POTEF: variants seen among roughly 807,000 people sequenced by gnomAD.
The protein encoded by POTEF is POTE ankyrin domain family member F, also known as ANKRD26-like family C member 1B.
A neutral mutation model predicts 83.2 loss-of-function variants in POTEF; 20 were observed. That is an observed-to-expected ratio of 0.24 (90% CI 0.17 to 0.35). The LOEUF is 0.35. Ranked by LOEUF, POTEF falls within the 10% of genes least tolerant of loss-of-function variation. The pLI is 1.00. For missense variants in POTEF, 550 were observed against 1,203.2 expected, an observed-to-expected ratio of 0.46 and a Z score of 8.03; for synonymous variants, 196 against 446.4, an observed-to-expected ratio of 0.44 and a Z score of 7.07.
At chr2:130,104,181 C>T (rs1383362255) in intron 8 of POTEF, among the ~76,000 whole-genome samples, 1 of 150,004 alleles carries the variant, frequency 6.7e-6, no homozygotes, top group South Asian at 2.1e-4. Flanking sequence ...AAAGTCAATT[C>T]TATAAGAAGT....
In POTEF at chr2:130,114,682, A is replaced by T. The variant is rs187996060; in HGVS notation, c.810+199T>A. 6.9e-3 allele frequency among the ~76,000 whole-genome samples: 1,037 copies of T among 149,736 alleles called. 20 individuals are homozygous for T. Among genetic ancestry groups the T allele is most frequent in the African/African-American group, 0.024 (972 of 40,820 alleles). On this transcript the variant is annotated intron_variant, in intron 5 of 16. Transcript: ENST00000409914. ...AAAAAGTATTTACCACAAGTGCATT[A>T]AAAAAAAAAACTGTACCCTCTAATG... is the stretch of plus-strand genomic sequence containing the variant.
intron 8 of POTEF, among the ~76,000 whole-genome samples, chr2:130,106,203 CA>C (rs1432017614): frequency 3.3e-5 from 5 of 150,522 alleles, no homozygotes; most frequent in African/African-American, 1.2e-4. Flanking sequence ...AATGAACAAC[CA>C]AAACAACTCT....
intron 2 of POTEF, among the ~76,000 whole-genome samples, chr2:130,122,553 C>A (rs1457619876): frequency 2.0e-5 from 3 of 146,496 alleles, no homozygotes; most frequent in African/African-American, 7.8e-5. Context: ...GATTTTAGGA[C>A]TAATTTTTCT....
At chr2:130,126,876 G>A (rs1685104015) in intron 2 of POTEF, among the ~76,000 whole-genome samples, 1 of 151,864 alleles carries the variant, frequency 6.6e-6, no homozygotes. Flanking sequence ...AGCAGCAAAA[G>A]AAAATGAAGA....
chr2:130,120,775 GA>G (rs1684982525), intron 2 of POTEF, 167 bp from the exon 3 acceptor site: 1 of 636,760 alleles, frequency 1.6e-6, no homozygotes, highest in African/African-American at 2.4e-5. Flanking sequence ...CCGCCCCCAA[GA>G]AAACACCCAG....
chr2:130,116,079 G>A (rs1164369720), intron 3 of POTEF, among the ~76,000 whole-genome samples: 4 of 151,996 alleles, frequency 2.6e-5, no homozygotes, highest in African/African-American at 7.3e-5. Flanking sequence ...GATAAATTTT[G>A]GTTCTTAAAA....
At chr2:130,127,386 TTTG>T (rs1466013130) in intron 2 of POTEF, among the ~76,000 whole-genome samples, 1 of 137,574 alleles carries the variant, frequency 7.3e-6, no homozygotes, top group Admixed American at 7.3e-5. Flanking sequence ...CCCCCTAAAT[TTTG>T]TTAAGAATGA....
In POTEF at chr2:130,127,740, C is replaced by T. The variant is rs1314340984; in HGVS notation, c.-125G>A. 1 of 151,786 alleles carries T rather than the reference C, an allele frequency of 6.6e-6. No individual in the cohort carries two copies. The highest frequency in any genetic ancestry group is 1.5e-5 in the Non-Finnish European group (1 of 67,812). The allele number at this position is 151,786 out of a possible 1,614,324, so 9.4% of individuals were successfully genotyped here. A position where few individuals can be genotyped will look rare whatever the true frequency, so the allele number is the denominator to read the frequency against. ...TGTCGAGCTGCAGTCTCCGTGGCTG[C>T]CATCAGTCACACGAGGCGAGCTGCA... On this transcript the variant is annotated 5_prime_UTR_variant, in exon 2 of 17. Transcript: ENST00000409914.
intron 3 of POTEF, among the ~76,000 whole-genome samples, chr2:130,117,058 A>G (rs1326773398): frequency 2.0e-5 from 3 of 150,950 alleles, no homozygotes; most frequent in Non-Finnish European, 4.4e-5. Context: ...TTGGGAGTTC[A>G]ATATTTTCAA....
chr2:130,122,960 T>C (rs1685028979), intron 2 of POTEF, among the ~76,000 whole-genome samples: 1 of 146,154 alleles, frequency 6.8e-6, no homozygotes, highest in Admixed American at 6.9e-5. Flanking sequence ...ACCCCTTCCC[T>C]TCCTATTTAG....
chr2:130,112,932 G>A (rs996995367), intron 5 of POTEF, among the ~76,000 whole-genome samples: 4 of 151,836 alleles, frequency 2.6e-5, no homozygotes, highest in African/African-American at 9.7e-5. Flanking sequence ...ATCCTGAGAG[G>A]GCCATCCTCT....
intron 1 of POTEF, among the ~76,000 whole-genome samples, chr2:130,128,651 C>T (rs1240965919): frequency 2.0e-4 from 31 of 152,132 alleles, no homozygotes; most frequent in Non-Finnish European, 4.0e-4. Flanking sequence ...TCAAAATCGC[C>T]GCCCCCACCC....
intron 3 of POTEF, 34 bp from the exon 4 acceptor site, chr2:130,115,362 A>G: frequency 2.5e-6 from 4 of 1,612,334 alleles, no homozygotes; most frequent in Non-Finnish European, 3.4e-6. Context: ...AGGAAATTGT[A>G]GTGCACTAGC....
At chr2:130,122,253 T>C (rs904185060) in intron 2 of POTEF, among the ~76,000 whole-genome samples, 2 of 151,008 alleles carry the variant, frequency 1.3e-5, no homozygotes, top group African/African-American at 4.9e-5. Context: ...TTCCTACTTT[T>C]TGTTGCTATA....
chr2:130,109,418 T>G (rs1282772999), intron 7 of POTEF: 4 of 143,668 alleles, frequency 2.8e-5, no homozygotes, highest in Non-Finnish European at 6.0e-5. Flanking sequence ...AATGGCTTCC[T>G]GTGAGCTAGA....
Position 130,075,181 on chromosome 2 carries a change from A to G in POTEF, c.2291T>C (p.Ile764Thr). ...VGKEAQSKRGILTLKYPMEHG... is the reference protein window; with the variant it reads ...VGKEAQSKRGTLTLKYPMEHG... ...TTCCATGGGGTACTTCAGGGTCAGG[A>G]TGCCTCTTTTGCTCTGGGCCTCCTT... The change falls in exon 17 of 17, where the codon ATC (isoleucine) becomes ACC (threonine). Residue 764 changes from isoleucine (I) to threonine (T), a missense_variant. Physicochemically the swap from Ile to Thr is moderately conservative, Grantham distance 89 (BLOSUM62 -1). Transcript: ENST00000409914. 2 of 1,613,000 alleles carry G rather than the reference A, an allele frequency of 1.2e-6. No individual in the cohort carries two copies. Among genetic ancestry groups the G allele is most frequent in the South Asian group, 2.2e-5 (2 of 91,024 alleles).
Position 130,104,236 on chromosome 2 carries a change from G to A in POTEF, c.1127-2056C>T, listed in dbSNP as rs1684452027. ...CACTTAATACTTGGTTTGGGAAGGT[G>A]CTTTCTAAAGTTATAGTGCCTATGA... On this transcript the variant is annotated intron_variant, in intron 8 of 16. Transcript: ENST00000409914. Among the ~76,000 whole-genome samples, 3 of 145,488 alleles carry A rather than the reference G, an allele frequency of 2.1e-5. No homozygotes were observed. The South Asian group carries it at 6.6e-4, about 32-fold the overall frequency.
chr2:130,094,921 T>C (rs1272289758), intron 11 of POTEF, among the ~76,000 whole-genome samples: 4 of 134,068 alleles, frequency 3.0e-5, no homozygotes, highest in Middle Eastern at 8.7e-3. Flanking sequence ...TCTCCCTAAA[T>C]AAAAAAATTA....
At chr2:130,107,257 C>G (rs1282706749) in intron 8 of POTEF, among the ~76,000 whole-genome samples, 1 of 150,084 alleles carries the variant, frequency 6.7e-6, no homozygotes, top group East Asian at 1.9e-4. Context: ...GACAATTAAC[C>G]AGCAGGTAGA....
Sources: gnomAD v4.1 joint callset for allele counts (sites outside exome capture counted in the v4.1 genomes callset) on GRCh38, gnomAD v4.1.1 for gene constraint, MANE v1.5 for transcripts, NCBI Gene and HGNC (gene_info 2026-07-23, HGNC 2026-07-21) for gene names.